The following LRRTM4 variants were observed in gnomAD, a reference collection of about 807,000 sequenced individuals.
LRRTM4 encodes leucine-rich repeat transmembrane neuronal protein 4.
Under a neutral mutation model 47.6 loss-of-function variants are expected in LRRTM4, and 25 were observed. That is an observed-to-expected ratio of 0.53 (90% CI 0.38 to 0.73). The LOEUF (loss-of-function observed/expected upper bound fraction) is 0.73, where lower values mean the gene tolerates loss of function less well. Among genes scored for constraint, LRRTM4 ranks in the 30% least tolerant of loss-of-function variants. The probability of loss-of-function intolerance (pLI) is 0.00; values close to 1 mark genes in which losing one functional copy is unlikely to be tolerated. For missense variants in LRRTM4, 638 were observed against 713.4 expected (o/e 0.89, Z 1.20); for synonymous variants, 311 against 269.5 (o/e 1.15, Z -1.51).
chr2:76,846,610 CACTT>C (rs201522931), intron 3 of LRRTM4, among the ~76,000 whole-genome samples: 2,403 of 152,122 alleles, frequency 0.016, 70 homozygotes, highest in African/African-American at 0.055. Context: ...GAGAAACACT[CACTT>C]AATCAAAAAT....
intron 3 of LRRTM4, among the ~76,000 whole-genome samples, chr2:77,075,357 A>G (rs1680298055): frequency 6.6e-6 from 1 of 152,210 alleles, no homozygotes. Context: ...CTCGATAAGA[A>G]AATCAGAGGT....
Position 77,430,897 on chromosome 2 carries a change from T to C in LRRTM4, c.1551+87421A>G, listed in dbSNP as rs1399637041. Among the ~76,000 whole-genome samples, 24 of 148,108 alleles carry C rather than the reference T, an allele frequency of 1.6e-4. 1 individual carries two copies. Among genetic ancestry groups the C allele is most frequent in the Admixed American group, 1.6e-3 (24 of 15,104 alleles). On this transcript the variant is annotated intron_variant, in intron 3 of 3. Transcript: ENST00000409884. ...TGGGGGCAGGCACCATCCAATCAGATGGGGGCCCAGATAAAAAAAAAGTCA... is the reference window on the plus strand; with the variant it reads ...TGGGGGCAGGCACCATCCAATCAGACGGGGGCCCAGATAAAAAAAAAGTCA...
chr2:77,199,444 T>C (rs1241673241), intron 3 of LRRTM4, among the ~76,000 whole-genome samples: 4 of 152,160 alleles, frequency 2.6e-5, no homozygotes, highest in African/African-American at 7.2e-5. Flanking sequence ...TGCCCTCTTA[T>C]TGGTAGATTC....
At chr2:77,308,021 A>T (rs1455251036) in intron 3 of LRRTM4, among the ~76,000 whole-genome samples, 1 of 141,138 alleles carries the variant, frequency 7.1e-6, no homozygotes, top group South Asian at 2.1e-4. Flanking sequence ...TACATATTAT[A>T]TATTATATAT....
At chr2:77,449,305 AG>A (rs1178398743) in intron 3 of LRRTM4, among the ~76,000 whole-genome samples, 1 of 152,144 alleles carries the variant, frequency 6.6e-6, no homozygotes, top group African/African-American at 2.4e-5. Context: ...ATTTTTTCAA[AG>A]TTTGGCTGTT....
intron 3 of LRRTM4, among the ~76,000 whole-genome samples, chr2:77,118,974 T>C (rs574819666): frequency 6.6e-6 from 1 of 151,928 alleles, no homozygotes; most frequent in South Asian, 2.1e-4. Flanking sequence ...AGGCATGGGA[T>C]TACTCTATGC....
chr2:77,355,306 A>C (rs2104303890), intron 3 of LRRTM4, among the ~76,000 whole-genome samples: 1 of 152,276 alleles, frequency 6.6e-6, no homozygotes, highest in Non-Finnish European at 1.5e-5. Flanking sequence ...AACATCAAAT[A>C]TCCCCTCCTT....
At chr2:77,203,220 G>A (rs1286066845) in intron 3 of LRRTM4, among the ~76,000 whole-genome samples, 3 of 151,978 alleles carry the variant, frequency 2.0e-5, no homozygotes. Context: ...GGTCCCCAGA[G>A]AGAGGCTGAC....
intron 3 of LRRTM4, among the ~76,000 whole-genome samples, chr2:77,160,528 C>G (rs1395816802): frequency 6.6e-6 from 1 of 151,990 alleles, no homozygotes; most frequent in Non-Finnish European, 1.5e-5. Context: ...AAAAGGCAGT[C>G]CTTTACTGAC....
chr2:77,011,008 T>C (rs775933623), intron 3 of LRRTM4, among the ~76,000 whole-genome samples: 10 of 152,100 alleles, frequency 6.6e-5, no homozygotes, highest in Non-Finnish European at 1.3e-4. Context: ...AGACAGGAGA[T>C]ATTAAAGGTA....
intron 3 of LRRTM4, among the ~76,000 whole-genome samples, chr2:77,420,267 C>G (rs1674824051): frequency 6.6e-6 from 1 of 152,066 alleles, no homozygotes; most frequent in Non-Finnish European, 1.5e-5. Flanking sequence ...AGCAAACCAG[C>G]AAAGAATTAC....
At chr2:76,827,629 TCATGTAGTAAAGATGTATA>T (rs1388871527) in intron 3 of LRRTM4, among the ~76,000 whole-genome samples, 1 of 151,868 alleles carries the variant, frequency 6.6e-6, no homozygotes. Context: ...AACTTCAGGT[TCATGTAGTAAAGATGTATA>T]TGAGGATAAT....
At chr2:77,201,945 A>G (rs554287705) in intron 3 of LRRTM4, among the ~76,000 whole-genome samples, 1 of 152,208 alleles carries the variant, frequency 6.6e-6, no homozygotes, top group South Asian at 2.1e-4. Context: ...TAATCTGCCA[A>G]CTTTTGCAAC....
intron 3 of LRRTM4, among the ~76,000 whole-genome samples, chr2:76,863,813 T>G (rs556050077): frequency 6.6e-6 from 1 of 152,196 alleles, no homozygotes; most frequent in Non-Finnish European, 1.5e-5. Flanking sequence ...CCTCATGATA[T>G]AGAAGGCAAA....
intron 3 of LRRTM4, chr2:77,516,767 A>C (rs1268853570): frequency 2.1e-6 from 2 of 970,852 alleles, no homozygotes; most frequent in Non-Finnish European, 2.4e-6. Flanking sequence ...ATTTTCAATG[A>C]TACACAAAAA....
intron 3 of LRRTM4, among the ~76,000 whole-genome samples, chr2:77,176,156 T>C (rs1411662781): frequency 1.3e-5 from 2 of 152,126 alleles, no homozygotes; most frequent in Admixed American, 6.6e-5. Context: ...ATAAAGTTAT[T>C]TGATGAGATT....
intron 3 of LRRTM4, among the ~76,000 whole-genome samples, chr2:77,442,717 T>C (rs1042779734): frequency 1.3e-5 from 2 of 152,194 alleles, no homozygotes; most frequent in African/African-American, 2.4e-5. Flanking sequence ...CAGAATTCAA[T>C]GGTGAGCAAC....
At chr2:77,477,754 C>T (rs1371456510) in intron 3 of LRRTM4, among the ~76,000 whole-genome samples, 1 of 149,136 alleles carries the variant, frequency 6.7e-6, no homozygotes, top group Non-Finnish European at 1.5e-5. Flanking sequence ...CAGGAGAATT[C>T]CTTGAACCCG....
At chr2:77,325,116 G>A (rs2104236298) in intron 3 of LRRTM4, among the ~76,000 whole-genome samples, 1 of 152,198 alleles carries the variant, frequency 6.6e-6, no homozygotes, top group Non-Finnish European at 1.5e-5. Context: ...TCTTAGAAGT[G>A]ATATACCACT....
Sources: gnomAD v4.1 joint callset for allele counts (sites outside exome capture counted in the v4.1 genomes callset) on GRCh38, gnomAD v4.1.1 for gene constraint, MANE v1.5 for transcripts, NCBI Gene and HGNC (gene_info 2026-07-23, HGNC 2026-07-21) for gene names.